The following INPP4B variants were observed in gnomAD, a reference collection of about 807,000 sequenced individuals.
The protein encoded by INPP4B is inositol polyphosphate-4-phosphatase type II B.
INPP4B carries 55 observed loss-of-function variants against 122.5 expected under a neutral mutation model. That is an observed-to-expected ratio of 0.45 (90% CI 0.36 to 0.56). The LOEUF (loss-of-function observed/expected upper bound fraction) is 0.56. Among genes scored for constraint, INPP4B ranks in the 20% least tolerant of loss-of-function variants. The pLI is 0.00. For missense variants in INPP4B, 1,000 were observed against 1,097.7 expected (o/e 0.91, Z 1.26); for synonymous variants, 403 against 388.7 (o/e 1.04, Z -0.43).
At chr4:142,777,366 A>G (rs1774084592) in intron 1 of INPP4B, among the ~76,000 whole-genome samples, 1 of 152,170 alleles carries the variant, frequency 6.6e-6, no homozygotes, top group African/African-American at 2.4e-5. Context: ...TAAACTGCCT[A>G]TGGAGAGAGG....
At chr4:142,726,430 T>G (rs1765355605) in intron 1 of INPP4B, among the ~76,000 whole-genome samples, 1 of 152,218 alleles carries the variant, frequency 6.6e-6, no homozygotes, top group Non-Finnish European at 1.5e-5. Context: ...ACCTTCCTTA[T>G]GAGATGTAAT....
chr4:142,756,021 C>T (rs1770465360), intron 1 of INPP4B, among the ~76,000 whole-genome samples: 2 of 151,954 alleles, frequency 1.3e-5, no homozygotes, highest in South Asian at 2.1e-4. Flanking sequence ...TCCCAGCCCT[C>T]GACCCTGGAG....
chr4:142,289,797 G>C (rs945218970), intron 9 of INPP4B, among the ~76,000 whole-genome samples: 1 of 152,096 alleles, frequency 6.6e-6, no homozygotes, highest in South Asian at 2.1e-4. Flanking sequence ...CCTATTCAGC[G>C]ACAACTTCAT....
At chr4:142,593,109 A>ATTTT (rs1560840485) in intron 2 of INPP4B, among the ~76,000 whole-genome samples, 47 of 150,804 alleles carry the variant, frequency 3.1e-4, no homozygotes, top group South Asian at 2.7e-3. Context: ...GTTTTTAAAA[A>ATTTT]AAAAAAAAAA....
At chr4:142,376,569 CACTTCA>C (rs1370041051) in intron 7 of INPP4B, among the ~76,000 whole-genome samples, 2 of 152,024 alleles carry the variant, frequency 1.3e-5, no homozygotes, top group Admixed American at 1.3e-4. Context: ...CACCTGTGGA[CACTTCA>C]AAAAGTGAGT....
At chr4:142,619,587 G>A (rs938035637) in intron 2 of INPP4B, among the ~76,000 whole-genome samples, 34 of 151,988 alleles carry the variant, frequency 2.2e-4, no homozygotes, top group Admixed American at 1.8e-3. Context: ...AGAGTAGAAT[G>A]GTTGTTGCCA....
At chr4:142,537,431 G>T (rs28690920) in intron 2 of INPP4B, among the ~76,000 whole-genome samples, 2,908 of 22,470 alleles carry the variant, frequency 0.13, 46 homozygotes, top group African/African-American at 0.17. Flanking sequence ...TATATATATA[G>T]AGAGAGAGAG....
intron 1 of INPP4B, among the ~76,000 whole-genome samples, chr4:142,736,384 C>T (rs1766898552): frequency 1.3e-5 from 2 of 152,018 alleles, no homozygotes; most frequent in Admixed American, 1.3e-4. Flanking sequence ...GCTTCATTCC[C>T]TTATCAGCTT....
intron 18 of INPP4B, 67 bp downstream of exon 18, chr4:142,145,773 T>A (rs79096022): frequency 1.4e-6 from 2 of 1,404,644 alleles, no homozygotes; most frequent in East Asian, 2.3e-5. Flanking sequence ...TTCTATATCA[T>A]TTTTTTTTCA....
rs1048325194 is a variant in INPP4B, at chr4:142,276,274, A to AT, written c.504-5501dup. Among the ~76,000 whole-genome samples, 6 of 151,494 alleles carry AT rather than the reference A, an allele frequency of 4.0e-5. No homozygotes were observed. In the South Asian group the frequency reaches 1.0e-3, roughly 26 times the overall value. On this transcript the variant is annotated intron_variant, in intron 9 of 25. Coordinates refer to ENST00000262992, the MANE Select transcript of INPP4B (RefSeq NM_001101669.3). ...CTTAAAGCTCTACTTTCACTATTTT[A>AT]TTTTTTTCCTATTAAAAGTCCTTAG...
chr4:142,172,250 G>A (rs1381783731), intron 16 of INPP4B, among the ~76,000 whole-genome samples: 2 of 151,922 alleles, frequency 1.3e-5, no homozygotes, highest in Non-Finnish European at 2.9e-5. Flanking sequence ...CCAGATCTGG[G>A]TTTGAACCCA....
At chr4:142,801,144 T>A (rs1777948032) in intron 1 of INPP4B, among the ~76,000 whole-genome samples, 1 of 151,218 alleles carries the variant, frequency 6.6e-6, no homozygotes, top group South Asian at 2.1e-4. Context: ...AGTTGCAAAA[T>A]AAGGAAAAAA....
intron 25 of INPP4B, among the ~76,000 whole-genome samples, chr4:142,039,476 A>G (rs1745975004): frequency 6.6e-6 from 1 of 152,158 alleles, no homozygotes; most frequent in Non-Finnish European, 1.5e-5. Context: ...AAGTAATAAT[A>G]ATTTCAGAGG....
chr4:142,340,434 G>A (rs1386293542), intron 7 of INPP4B, among the ~76,000 whole-genome samples: 3 of 151,780 alleles, frequency 2.0e-5, no homozygotes, highest in African/African-American at 7.3e-5. Context: ...TAGAGACAGG[G>A]TCTCTTTCTG....
At chr4:142,222,718 C>T (rs890890423) in intron 12 of INPP4B, among the ~76,000 whole-genome samples, 3 of 152,304 alleles carry the variant, frequency 2.0e-5, no homozygotes, top group Middle Eastern at 3.4e-3. Context: ...TCCAAACACA[C>T]CAGCTTTCTG....
intron 25 of INPP4B, among the ~76,000 whole-genome samples, chr4:142,033,928 T>C (rs763414680): frequency 2.0e-5 from 3 of 151,954 alleles, no homozygotes; most frequent in South Asian, 2.1e-4. Context: ...TAGCCTCCCA[T>C]AGTGCTGGGA....
rs145177470 is a variant in INPP4B at position 142,442,020 on chromosome 4, C to T, written c.-126-10635G>A. On this transcript the variant is annotated intron_variant, in intron 3 of 25. Transcript: ENST00000262992. ...TGATCTGAAATTGATGATGCTCTTA[C>T]CAATGGCTTTATTTTTTTTCTTAAA... 5.1e-3 allele frequency among the ~76,000 whole-genome samples: 775 copies of T among 152,010 alleles called. 11 individuals are homozygous for T. The highest frequency in any genetic ancestry group is 0.018 in the African/African-American group (743 of 41,458).
At chr4:142,433,156 G>A (rs1157843826) in intron 3 of INPP4B, among the ~76,000 whole-genome samples, 1 of 152,104 alleles carries the variant, frequency 6.6e-6, no homozygotes, top group Admixed American at 6.5e-5. Flanking sequence ...TGTTATCCAA[G>A]TACACACTTC....
intron 5 of INPP4B, among the ~76,000 whole-genome samples, chr4:142,410,265 C>A (rs1804324923): frequency 6.6e-6 from 1 of 152,190 alleles, no homozygotes; most frequent in Non-Finnish European, 1.5e-5. Flanking sequence ...CAGATGCCTG[C>A]CCCAGGCTTT....
Sources: gnomAD v4.1 joint callset for allele counts (sites outside exome capture counted in the v4.1 genomes callset) on GRCh38, gnomAD v4.1.1 for gene constraint, MANE v1.5 for transcripts, NCBI Gene and HGNC (gene_info 2026-07-23, HGNC 2026-07-21) for gene names.